RFX7: variants seen among roughly 807,000 people sequenced by gnomAD.
RFX7 encodes the protein DNA-binding protein RFX7.
In RFX7, 26 loss-of-function variants were observed where a neutral mutation model predicts 111.8. The ratio of observed to expected loss-of-function variants is 0.23; its 90% CI spans 0.17 to 0.32. The LOEUF (loss-of-function observed/expected upper bound fraction) is 0.32, where lower values mean the gene tolerates loss of function less well. Among genes scored for constraint, RFX7 ranks in the 10% least tolerant of loss-of-function variants. The pLI is 1.00. For synonymous variants in RFX7, 624 were observed against 624.4 expected, an observed-to-expected ratio of 1.00 and a Z score of 0.01; for missense variants, 1,573 against 1,772.9, an observed-to-expected ratio of 0.89 and a Z score of 2.02.
intron 5 of RFX7, among the ~76,000 whole-genome samples, chr15:56,130,880 T>C (rs75466038): frequency 0.016 from 2,477 of 152,140 alleles, 71 homozygotes; most frequent in African/African-American, 0.057. Flanking sequence ...CCAAAATTGA[T>C]GAATAAAGTA....
At chr15:56,176,782 G>A (rs1247574250) in intron 3 of RFX7, among the ~76,000 whole-genome samples, 1 of 151,820 alleles carries the variant, frequency 6.6e-6, no homozygotes, top group Non-Finnish European at 1.5e-5. Flanking sequence ...ATCCAAAAAT[G>A]CCTTAAATCC....
chr15:56,109,606 C>T (rs1250659645), intron 5 of RFX7, among the ~76,000 whole-genome samples: 1 of 151,650 alleles, frequency 6.6e-6, no homozygotes, highest in Non-Finnish European at 1.5e-5. Context: ...GTGAGGAGCG[C>T]CTCTTCCCTG....
At chr15:56,238,910 T>G (rs2043655019) in intron 2 of RFX7, among the ~76,000 whole-genome samples, 1 of 152,054 alleles carries the variant, frequency 6.6e-6, no homozygotes, top group Non-Finnish European at 1.5e-5. Flanking sequence ...CTCGGCTCAC[T>G]GCAACCTCCA....
At chr15:56,244,171 G>C (rs1465718117), upstream of RFX7, 1 of 152,184 alleles carries the variant, frequency 6.6e-6, no homozygotes, top group Non-Finnish European at 1.5e-5. Context: ...ATTTGGGCGG[G>C]GGAGGCATCT....
Position 56,096,208 on chromosome 15 carries a change from C to G in RFX7, c.1520G>C (p.Ser507Thr), listed in dbSNP as rs948787460. 2 of 1,613,976 alleles carry G rather than the reference C, an allele frequency of 1.2e-6. No homozygotes were observed. The highest frequency in any genetic ancestry group is 1.7e-6 in the Non-Finnish European group (2 of 1,179,882). The change falls in exon 10 of 10, where the codon AGT becomes ACT. Residue 507 changes from serine (S) to threonine (T), a missense_variant. Transcript: ENST00000559447. ...AGAACCATTCTTGATCTGTGGAACA[C>G]TCCTTGATTCTTCTGTTGTTCCTGT... ...SATGTTEESR[S>T]VPQIKNGSVV... is the part of the protein sequence containing the mutation.
At chr15:56,159,175 C>T (rs1158048764) in intron 3 of RFX7, among the ~76,000 whole-genome samples, 6 of 152,092 alleles carry the variant, frequency 3.9e-5, no homozygotes, top group African/African-American at 1.4e-4. Context: ...AACAGAAGTT[C>T]CCCCCTTTTA....
chr15:56,109,527 C>T (rs1450728473), intron 5 of RFX7, among the ~76,000 whole-genome samples: 3 of 151,408 alleles, frequency 2.0e-5, no homozygotes, highest in Non-Finnish European at 1.5e-5. Flanking sequence ...ATGTGAGGAG[C>T]CCCTCTGCCT....
intron 5 of RFX7, among the ~76,000 whole-genome samples, chr15:56,109,428 T>C (rs2041878643): frequency 6.6e-6 from 1 of 151,814 alleles, no homozygotes; most frequent in Non-Finnish European, 1.5e-5. Flanking sequence ...TGCCTTGGCC[T>C]CCCAAAGTGC....
chr15:56,228,581 T>C (rs1381590500), intron 2 of RFX7, among the ~76,000 whole-genome samples: 1 of 152,182 alleles, frequency 6.6e-6, no homozygotes, highest in African/African-American at 2.4e-5. Flanking sequence ...GTGTTTAATT[T>C]TTTTCATCAG....
At chr15:56,114,616 CTTTTT>C (rs1281236852) in intron 5 of RFX7, among the ~76,000 whole-genome samples, 2 of 151,460 alleles carry the variant, frequency 1.3e-5, no homozygotes, top group Non-Finnish European at 2.9e-5. Context: ...ATTGATAATG[CTTTTT>C]TTTGTGGTAA....
chr15:56,115,961 T>G (rs1372748654), intron 5 of RFX7, among the ~76,000 whole-genome samples: 2 of 151,756 alleles, frequency 1.3e-5, no homozygotes, highest in Admixed American at 6.6e-5. Flanking sequence ...AAAAAAAAAT[T>G]TAACTGCATA....
chr15:56,199,854 A>G (rs772683880), intron 2 of RFX7, among the ~76,000 whole-genome samples: 39 of 152,204 alleles, frequency 2.6e-4, no homozygotes, highest in Non-Finnish European at 4.7e-4. Flanking sequence ...AGCATGTAAT[A>G]GGTTCTTAAT....
Position 56,210,065 on chromosome 15 carries a change from T to TTA in RFX7, c.162-30764_162-30763dup, listed in dbSNP as rs1230766889. On this transcript the variant is annotated intron_variant, in intron 2 of 9. Transcript: ENST00000559447. ...GAGTGGATCAAGAAATAAGACCCAA[T>TTA]TATATGTCGTCTACAAAAGCCAACT... Among the ~76,000 whole-genome samples, 8 of 152,012 alleles carry TTA rather than the reference T, an allele frequency of 5.3e-5. No homozygotes were observed. In the East Asian group the frequency reaches 1.5e-3, roughly 29 times the overall value.
chr15:56,092,675 T>C lies in RFX7; in HGVS notation c.*670A>G, dbSNP rs1410547595. 1 of 152,618 alleles carries C rather than the reference T, an allele frequency of 6.6e-6. No homozygotes were observed. The highest frequency in any genetic ancestry group is 1.5e-5 in the Non-Finnish European group (1 of 68,004). The allele number at this position is 152,618 out of a possible 1,614,324, so 9.5% of individuals were successfully genotyped here. On this transcript the variant is annotated 3_prime_UTR_variant, in exon 10 of 10. Coordinates refer to ENST00000559447, the MANE Select transcript of RFX7 (RefSeq NM_022841.7). ...ATTAAAATCAACATTTAAATATTAA[T>C]GCAAGGTCACAAATATAAATGGCTA...
intron 2 of RFX7, among the ~76,000 whole-genome samples, chr15:56,228,262 G>GTTA (rs1567053632): frequency 6.6e-6 from 1 of 151,954 alleles, no homozygotes; most frequent in Non-Finnish European, 1.5e-5. Flanking sequence ...AAATCCTCAA[G>GTTA]TTATTATTAC....
At chr15:56,107,212 G>A (rs2041840876) in intron 5 of RFX7, among the ~76,000 whole-genome samples, 1 of 144,702 alleles carries the variant, frequency 6.9e-6, no homozygotes, top group African/African-American at 2.5e-5. Context: ...CAGGAGAATG[G>A]CGTGAACCCA....
rs2042822203 is a variant in RFX7 at position 56,169,724 on chromosome 15, T to A, written c.195+9546A>T. 4.8e-5 allele frequency among the ~76,000 whole-genome samples: 4 copies of A among 84,194 alleles called. No homozygotes were observed. In the Admixed American group the frequency reaches 5.1e-4, roughly 11 times the overall value. The allele number at this position is 84,194 out of a possible 152,430, so 55.2% of individuals were successfully genotyped here. ...TCTTTTTTTTTTTTTTTTTTTTTTT[T>A]AGTTTCTAGTCTCTTTGTCCCACTT... On this transcript the variant is annotated intron_variant, in intron 3 of 9. Transcript: ENST00000559447.
chr15:56,113,223 T>C (rs1297238511), intron 5 of RFX7, among the ~76,000 whole-genome samples: 1 of 152,214 alleles, frequency 6.6e-6, no homozygotes, highest in Non-Finnish European at 1.5e-5. Context: ...TGCAGCACTA[T>C]TCACAATAGC....
chr15:56,213,324 T>A (rs1397551028), intron 2 of RFX7, among the ~76,000 whole-genome samples: 2 of 152,208 alleles, frequency 1.3e-5, no homozygotes, highest in African/African-American at 4.8e-5. Context: ...TAAACTGTGA[T>A]ATATCCATAT....
Sources: gnomAD v4.1 joint callset for allele counts (sites outside exome capture counted in the v4.1 genomes callset) on GRCh38, gnomAD v4.1.1 for gene constraint, MANE v1.5 for transcripts, NCBI Gene and HGNC (gene_info 2026-07-23, HGNC 2026-07-21) for gene names.